The following PAN3 variants were observed in gnomAD, a reference collection of about 807,000 sequenced individuals.
The protein encoded by PAN3 is poly(A) specific ribonuclease subunit PAN3, also known as PAN2-PAN3 deadenylation complex subunit PAN3.
In PAN3, 19 loss-of-function variants were observed where a neutral mutation model predicts 96.2. That is an observed-to-expected ratio of 0.20 (90% CI 0.14 to 0.29). The LOEUF is 0.29. Ranked by LOEUF, PAN3 falls within the 10% of genes least tolerant of loss-of-function variation. The pLI is 1.00. For missense variants in PAN3, 882 were observed against 1,108.1 expected, an observed-to-expected ratio of 0.80 and a Z score of 2.90; for synonymous variants, 433 against 406.6, an observed-to-expected ratio of 1.06 and a Z score of -0.78.
intron 4 of PAN3, among the ~76,000 whole-genome samples, chr13:28,181,528 AG>A (rs1875774067): frequency 6.7e-6 from 1 of 149,820 alleles, no homozygotes; most frequent in Non-Finnish European, 1.5e-5. Context: ...AAAAAAAAAA[AG>A]GCCCAAAACA....
At chr13:28,167,153 A>G (rs1026076475) in intron 1 of PAN3, among the ~76,000 whole-genome samples, 1 of 148,886 alleles carries the variant, frequency 6.7e-6, no homozygotes, top group Non-Finnish European at 1.5e-5. Context: ...CTCCTTATCA[A>G]AAGGTCGCTT....
In PAN3 at chr13:28,256,511, A is replaced by G. The variant is rs750916194; in HGVS notation, c.1220A>G (p.Asp407Gly). 2 of 1,613,926 alleles carry G rather than the reference A, an allele frequency of 1.2e-6. No homozygotes were observed. Among genetic ancestry groups the G allele is most frequent in the Admixed American group, 1.7e-5 (1 of 59,996 alleles). ...TVGGTTYFYT[D>G]TTPAPLTGMV... ...GGTGGGACGACTTACTTCTATACAG[A>G]CACAACTCCAGCACCTTTGACTGGA... The change falls in exon 7 of 19, where the codon GAC becomes GGC. Residue 407 changes from aspartate to glycine, a missense_variant. Asp to Gly is a moderately conservative substitution (Grantham distance 94, BLOSUM62 -1). This residue lies in a region of PAN3 where 364 missense variants were observed against 513.6 expected (regional missense o/e 0.71). Transcript: ENST00000380958.
chr13:28,277,528 C>T (rs1887163366), intron 15 of PAN3, 152 bp downstream of exon 15: 1 of 820,290 alleles, frequency 1.2e-6, no homozygotes, highest in Admixed American at 3.5e-5. Flanking sequence ...GTAAATATTT[C>T]TTAGATAAAT....
intron 5 of PAN3, among the ~76,000 whole-genome samples, chr13:28,210,996 C>T (rs1879960299): frequency 6.6e-6 from 1 of 152,068 alleles, no homozygotes; most frequent in Non-Finnish European, 1.5e-5. Context: ...CCTTCACCTC[C>T]TGGGCTCAAG....
At chr13:28,169,679 A>G (rs1013990583) in intron 1 of PAN3, among the ~76,000 whole-genome samples, 12 of 152,124 alleles carry the variant, frequency 7.9e-5, no homozygotes, top group African/African-American at 2.9e-4. Flanking sequence ...CCAAGTATCT[A>G]TTCCTCTTTT....
intron 7 of PAN3, among the ~76,000 whole-genome samples, chr13:28,258,038 C>A (rs1344756122): frequency 6.6e-6 from 1 of 151,832 alleles, no homozygotes. Context: ...AGGCTGATCT[C>A]AAATTCTTGA....
At chr13:28,183,966 C>T (rs1876124231) in intron 4 of PAN3, among the ~76,000 whole-genome samples, 1 of 152,094 alleles carries the variant, frequency 6.6e-6, no homozygotes, top group African/African-American at 2.4e-5. Context: ...TTAAGTATCC[C>T]TGGCTACTCA....
intron 14 of PAN3, among the ~76,000 whole-genome samples, chr13:28,276,843 G>A (rs1164989697): frequency 6.6e-6 from 1 of 152,138 alleles, no homozygotes; most frequent in Non-Finnish European, 1.5e-5. Flanking sequence ...CAAATGTATA[G>A]TAACCTTAAA....
At chr13:28,214,002 A>G (rs184102491) in intron 5 of PAN3, among the ~76,000 whole-genome samples, 4 of 152,260 alleles carry the variant, frequency 2.6e-5, no homozygotes, top group Non-Finnish European at 4.4e-5. Flanking sequence ...TAGTACAGCT[A>G]GGCTGGAGTA....
At chr13:28,259,433 G>A (rs1885498374) in intron 7 of PAN3, among the ~76,000 whole-genome samples, 3 of 151,724 alleles carry the variant, frequency 2.0e-5, no homozygotes. Flanking sequence ...AACCTCCCGA[G>A]TAACTGGGAG....
intron 18 of PAN3, among the ~76,000 whole-genome samples, chr13:28,289,499 A>G (rs964946556): frequency 6.6e-6 from 1 of 152,176 alleles, no homozygotes; most frequent in Non-Finnish European, 1.5e-5. Context: ...GCTGGTCCCA[A>G]ACTCCTGAGA....
chr13:28,224,158 A>G (rs1177616982), intron 6 of PAN3, among the ~76,000 whole-genome samples: 1 of 152,122 alleles, frequency 6.6e-6, no homozygotes, highest in Non-Finnish European at 1.5e-5. Context: ...GGCGTGAGCA[A>G]CCGCGCCCGG....
At chr13:28,251,269 T>C (rs1016736493) in intron 6 of PAN3, among the ~76,000 whole-genome samples, 3 of 152,366 alleles carry the variant, frequency 2.0e-5, no homozygotes, top group Non-Finnish European at 2.9e-5. Flanking sequence ...ATGGTTCTGT[T>C]ACCTGGACTC....
chr13:28,166,798 C>T (rs1376209882), intron 1 of PAN3, among the ~76,000 whole-genome samples: 1 of 152,182 alleles, frequency 6.6e-6, no homozygotes, highest in Non-Finnish European at 1.5e-5. Flanking sequence ...GAGTGGAGGC[C>T]TGAGCTGCAC....
chr13:28,190,712 A>G (rs775067179), intron 4 of PAN3, among the ~76,000 whole-genome samples: 1 of 152,192 alleles, frequency 6.6e-6, no homozygotes, highest in Non-Finnish European at 1.5e-5. Flanking sequence ...ACTTAGAATC[A>G]TGGTAAGTGA....
intron 6 of PAN3, among the ~76,000 whole-genome samples, chr13:28,238,401 A>G (rs1883293399): frequency 6.6e-6 from 1 of 152,216 alleles, no homozygotes; most frequent in East Asian, 1.9e-4. Context: ...AAAACCAAGG[A>G]ACCAAACAAA....
chr13:28,155,737 A>G (rs928239045), intron 1 of PAN3, among the ~76,000 whole-genome samples: 8 of 152,220 alleles, frequency 5.3e-5, no homozygotes, highest in South Asian at 2.1e-4. Flanking sequence ...ACACACATAT[A>G]CATAAAATGT....
chr13:28,256,626 TTTTATTGTGATGCAAAAAAGTA>T, intron 7 of PAN3, 87 bp downstream of exon 7: 9 of 1,372,014 alleles, frequency 6.6e-6, no homozygotes, highest in Non-Finnish European at 7.9e-6. Context: ...TCCTGCAGCT[TTTTATTGTGATGCAAAAAAGTA>T]TTTCATTTTC....
rs146967368 is a variant in PAN3 at position 28,196,279 on chromosome 13, A to G, written c.691-906A>G. 1.5e-3 allele frequency among the ~76,000 whole-genome samples: 229 copies of G among 152,284 alleles called. 4 individuals are homozygous for G. In the East Asian group the frequency reaches 0.038, roughly 25 times the overall value. On this transcript the variant is annotated intron_variant, in intron 4 of 18. Transcript: ENST00000380958. ...CAGAGTTTAAATTAATTACCTTCCTAAGCATGAATTAGTGTTTTCTGAAGG... is the reference window on the plus strand; with the variant it reads ...CAGAGTTTAAATTAATTACCTTCCTGAGCATGAATTAGTGTTTTCTGAAGG...
Sources: gnomAD v4.1 joint callset for allele counts (sites outside exome capture counted in the v4.1 genomes callset) on GRCh38, gnomAD v4.1.1 for gene constraint, gnomAD v4.1.1 regional missense constraint, MANE v1.5 for transcripts, NCBI Gene and HGNC (gene_info 2026-07-23, HGNC 2026-07-21) for gene names.